Variants in STAB2 observed in about 807,000 individuals in gnomAD.
STAB2 encodes the protein stabilin 2.
Under a neutral mutation model 338.1 loss-of-function variants are expected in STAB2, and 288 were observed. The observed-to-expected ratio is 0.85, with a 90% CI of 0.77 to 0.94. The LOEUF (loss-of-function observed/expected upper bound fraction) is 0.94, where lower values mean the gene tolerates loss of function less well. Ranked by LOEUF, STAB2 falls within the 40% of genes least tolerant of loss-of-function variation. STAB2 has a pLI of 0.00. For synonymous variants in STAB2, 1,202 were observed against 1,193.3 expected, an observed-to-expected ratio of 1.01 and a Z score of -0.15; for missense variants, 3,141 against 3,210.1, an observed-to-expected ratio of 0.98 and a Z score of 0.52.
At chr12:103,749,872 A>AT (rs58406423) in intron 59 of STAB2, among the ~76,000 whole-genome samples, 1 of 131,480 alleles carries the variant, frequency 7.6e-6, no homozygotes, top group Non-Finnish European at 1.6e-5. Context: ...AAAAAAAAAA[A>AT]GCTGGTAAGA....
At chr12:103,755,819 T>G (rs571411066) in intron 63 of STAB2, 101 bp downstream of exon 63, 1 of 1,109,550 alleles carries the variant, frequency 9.0e-7, no homozygotes, top group South Asian at 1.3e-5. Flanking sequence ...CAGTCACAGT[T>G]AAGAGCATGG....
intron 3 of STAB2, among the ~76,000 whole-genome samples, chr12:103,610,641 C>A (rs1450234461): frequency 6.6e-6 from 1 of 152,132 alleles, no homozygotes; most frequent in African/African-American, 2.4e-5. Flanking sequence ...AAAACCAGCT[C>A]CTGGATTCAT....
At chr12:103,589,700 T>C (rs983530496) in intron 1 of STAB2, among the ~76,000 whole-genome samples, 2 of 152,146 alleles carry the variant, frequency 1.3e-5, no homozygotes, top group African/African-American at 4.8e-5. Flanking sequence ...AAAGAGGTGG[T>C]GTGAAACAGG....
rs1872787692 is a variant in STAB2 at position 103,640,026 on chromosome 12, A to G, written c.907-97A>G. 24 of 1,425,892 alleles carry G rather than the reference A, an allele frequency of 1.7e-5. No individual in the cohort carries two copies. The South Asian group carries it at 2.5e-4, about 15-fold the overall frequency. 88.3% of individuals were successfully genotyped at this position (1,425,892 alleles called of 1,614,324 possible). The stretch of plus-strand genomic sequence containing the variant: ...CCACACTTCAGACATACTCTGAGTG[A>G]GTTTTTATGGAAGAATAAAAATACA... On this transcript the variant is annotated intron_variant, in intron 8 of 68. Transcript: ENST00000388887.
At chr12:103,642,483 GT>G (rs1185371391) in intron 9 of STAB2, among the ~76,000 whole-genome samples, 1 of 152,186 alleles carries the variant, frequency 6.6e-6, no homozygotes, top group Non-Finnish European at 1.5e-5. Context: ...ATCTGTACAG[GT>G]TGGGATATCC....
intron 44 of STAB2, among the ~76,000 whole-genome samples, chr12:103,718,476 T>G (rs1000589079): frequency 6.6e-6 from 1 of 151,274 alleles, no homozygotes; most frequent in Non-Finnish European, 1.5e-5. Context: ...CCTATGTCCA[T>G]GCACACATCA....
intron 59 of STAB2, among the ~76,000 whole-genome samples, chr12:103,749,437 T>A (rs1009831299): frequency 6.6e-6 from 1 of 152,200 alleles, no homozygotes; most frequent in African/African-American, 2.4e-5. Flanking sequence ...GCTATAGTTA[T>A]GTTGGACATC....
intron 65 of STAB2, among the ~76,000 whole-genome samples, chr12:103,760,553 GC>G (rs761123278): frequency 1.3e-5 from 2 of 152,136 alleles, no homozygotes; most frequent in Non-Finnish European, 2.9e-5. Flanking sequence ...GAGCTACCAT[GC>G]CCAGCCCAAA....
chr12:103,652,808 G>A, intron 12 of STAB2, 103 bp downstream of exon 12: 1 of 1,332,992 alleles, frequency 7.5e-7, no homozygotes. Context: ...AAAATTACAA[G>A]GAAATTCTTT....
chr12:103,681,006 A>G (rs1215434208), intron 25 of STAB2, among the ~76,000 whole-genome samples: 1 of 152,240 alleles, frequency 6.6e-6, no homozygotes, highest in Non-Finnish European at 1.5e-5. Flanking sequence ...GTGCGAGGCG[A>G]CAGACAAACC....
At position 103,591,012 on chromosome 12, in the gene STAB2, T is replaced by C. The variant is rs754448400; in HGVS notation, c.197T>C (p.Val66Ala). Reference sequence around the variant, plus strand: ...TACACCATGATTACCAGTGGCTCTGTAGGGGTTCGAGATTGCAGGTACTCA... The same window carrying C: ...TACACCATGATTACCAGTGGCTCTGCAGGGGTTCGAGATTGCAGGTACTCA... ...DGYTMITSGS[V>A]GVRDCRYTFE... Residue 66 changes from valine (V) to alanine (A), a missense_variant, in exon 2 of 69, where the codon GTA becomes GCA. Transcript: ENST00000388887. The C allele has an allele frequency of 6.2e-7, 1 of 1,613,932 alleles. No homozygotes were observed. The highest frequency in any genetic ancestry group is 1.7e-5 in the Admixed American group (1 of 59,968).
chr12:103,607,546 CCCA>C (rs1040297639), intron 3 of STAB2, among the ~76,000 whole-genome samples: 2 of 151,908 alleles, frequency 1.3e-5, no homozygotes, highest in African/African-American at 4.8e-5. Flanking sequence ...CTCCCCCCAC[CCCA>C]CAACAGGCCC....
At chr12:103,733,567 G>A (rs1278482070) in intron 51 of STAB2, among the ~76,000 whole-genome samples, 1 of 152,126 alleles carries the variant, frequency 6.6e-6, no homozygotes, top group African/African-American at 2.4e-5. Flanking sequence ...CTAGGCAAAT[G>A]ACTGATTGAT....
At chr12:103,600,803 T>TCCAGCCA (rs1565952960) in intron 3 of STAB2, among the ~76,000 whole-genome samples, 3 of 77,520 alleles carry the variant, frequency 3.9e-5, no homozygotes, top group African/African-American at 3.5e-4. Context: ...AGCCAGCATA[T>TCCAGCCA]GCCTTCACCC....
At chr12:103,744,303 C>A (rs1441568757) in intron 56 of STAB2, among the ~76,000 whole-genome samples, 1 of 151,796 alleles carries the variant, frequency 6.6e-6, no homozygotes, top group Non-Finnish European at 1.5e-5. Context: ...GCCACCATAC[C>A]CAAATAATTT....
At chr12:103,649,368 G>T (rs966869783) in intron 10 of STAB2, among the ~76,000 whole-genome samples, 7 of 152,290 alleles carry the variant, frequency 4.6e-5, no homozygotes, top group Middle Eastern at 3.4e-3. Flanking sequence ...CCCAGGCAAG[G>T]TGAGAGCCTA....
rs1956726079 is a variant in STAB2, at chr12:103,587,382, T to C, written c.-95T>C. On this transcript the variant is annotated 5_prime_UTR_variant, in exon 1 of 69. The change abolishes an upstream ATG in the 5' untranslated region. Coordinates refer to ENST00000388887, the MANE Select transcript of STAB2 (RefSeq NM_017564.10). Reference sequence around the variant, plus strand: ...AGGGATTTAAAAGTAAACAGTGAAATGAGAAAGAATTCACTGGGAGTTTAT... The same window carrying C: ...AGGGATTTAAAAGTAAACAGTGAAACGAGAAAGAATTCACTGGGAGTTTAT... 5 of 1,008,270 alleles carry C rather than the reference T, an allele frequency of 5.0e-6. No homozygotes were observed. The Admixed American group carries it at 1.1e-4, about 22-fold the overall frequency. The allele number at this position is 1,008,270 out of a possible 1,614,324, so 62.5% of individuals were successfully genotyped here. A position where few individuals can be genotyped will look rare whatever the true frequency, so the allele number is the denominator to read the frequency against.
intron 37 of STAB2, among the ~76,000 whole-genome samples, chr12:103,706,255 G>T (rs1879338948): frequency 6.6e-6 from 1 of 152,110 alleles, no homozygotes; most frequent in Non-Finnish European, 1.5e-5. Context: ...GCATAGGGGT[G>T]GGGGAGATTT....
At chr12:103,760,038 G>A (rs1884423064) in intron 65 of STAB2, among the ~76,000 whole-genome samples, 1 of 152,172 alleles carries the variant, frequency 6.6e-6, no homozygotes. Context: ...GGAAGATAAG[G>A]AGTATTTCAG....
Sources: allele counts gnomAD v4.1 joint callset (sites outside exome capture counted in the v4.1 genomes callset), GRCh38; gene constraint gnomAD v4.1.1; transcripts MANE v1.5; gene names NCBI Gene and HGNC (gene_info 2026-07-23, HGNC 2026-07-21).